HORMAD2: variants seen among roughly 807,000 people sequenced by gnomAD.
HORMAD2 encodes the protein HORMA domain containing 2.
Under a neutral mutation model 38.8 loss-of-function variants are expected in HORMAD2, and 45 were observed. That is an observed-to-expected ratio of 1.16 (90% CI 0.91 to 1.49). HORMAD2 has a LOEUF of 1.49. Ranked by LOEUF, HORMAD2 falls within the 40% of genes most tolerant of loss-of-function variation. HORMAD2 has a pLI of 0.00. For missense variants in HORMAD2, 338 were observed against 367.0 expected (o/e 0.92, Z 0.65); for synonymous variants, 126 against 122.8 (o/e 1.03, Z -0.17).
chr22:30,170,386 T>G (rs898370695), intron 10 of HORMAD2, among the ~76,000 whole-genome samples: 1 of 152,184 alleles, frequency 6.6e-6, no homozygotes. Context: ...CTGCCTTTCC[T>G]GTGTCACAAC....
At chr22:30,198,878 C>T in the HORMAD2 span, among the ~76,000 whole-genome samples, 1 of 152,262 alleles carries the variant, frequency 6.6e-6, no homozygotes, top group East Asian at 1.9e-4. Context: ...GAGAGAAAAC[C>T]AAGCGGCATC....
intron 1 of HORMAD2, among the ~76,000 whole-genome samples, chr22:30,091,778 T>C (rs964848173): frequency 6.6e-6 from 1 of 152,232 alleles, no homozygotes; most frequent in African/African-American, 2.4e-5. Flanking sequence ...TTTTCCATAA[T>C]GCTTGTACTA....
intron 10 of HORMAD2, among the ~76,000 whole-genome samples, chr22:30,171,450 ATGG>A (rs768634387): frequency 1.1e-4 from 16 of 152,104 alleles, no homozygotes; most frequent in Non-Finnish European, 2.1e-4. Flanking sequence ...CTCTCTTACC[ATGG>A]TATCCAATTG....
intron 10 of HORMAD2, chr22:30,136,902 A>G (rs1923701779): frequency 1.1e-5 from 5 of 474,018 alleles, no homozygotes. Context: ...GTCTGGAATC[A>G]ATTTATTGAC....
In HORMAD2 at chr22:30,083,224, G is replaced by A. The variant is rs943590936; in HGVS notation, c.-38+2733G>A. Reference sequence around the variant, plus strand: ...CGAGGTTGCAGTGAGCCAAGATTGCGCCACTGCATTCCTGCCTGGGTAAAC... The same window carrying A: ...CGAGGTTGCAGTGAGCCAAGATTGCACCACTGCATTCCTGCCTGGGTAAAC... On this transcript the variant is annotated intron_variant, in intron 1 of 10. Coordinates refer to ENST00000336726, the MANE Select transcript of HORMAD2 (RefSeq NM_152510.4). Among the ~76,000 whole-genome samples, 9 of 152,282 alleles carry A rather than the reference G, an allele frequency of 5.9e-5. No homozygotes were observed. In the East Asian group the frequency reaches 7.7e-4, roughly 13 times the overall value.
chr22:30,138,535 T>A (rs1923829349), intron 10 of HORMAD2, among the ~76,000 whole-genome samples: 1 of 152,198 alleles, frequency 6.6e-6, no homozygotes, highest in African/African-American at 2.4e-5. Flanking sequence ...CTTTATATAT[T>A]CTGGGTAGAT....
chr22:30,162,037 G>A (rs1241354260), intron 10 of HORMAD2, among the ~76,000 whole-genome samples: 12 of 152,158 alleles, frequency 7.9e-5, no homozygotes, highest in Admixed American at 6.5e-4. Context: ...CACAGGGTGG[G>A]CATGGTGGCT....
intron 10 of HORMAD2, among the ~76,000 whole-genome samples, chr22:30,153,199 T>A (rs1924863367): frequency 6.6e-6 from 1 of 152,148 alleles, no homozygotes; most frequent in Admixed American, 6.5e-5. Context: ...TCCAGCCTGT[T>A]CTTACTGCCA....
chr22:30,084,587 T>C (rs2068538027), intron 1 of HORMAD2, among the ~76,000 whole-genome samples: 1 of 152,226 alleles, frequency 6.6e-6, no homozygotes, highest in Admixed American at 6.5e-5. Context: ...CTATAGTTCT[T>C]CTCTGTTGAC....
the HORMAD2 span, among the ~76,000 whole-genome samples, chr22:30,185,744 A>G: frequency 6.6e-6 from 1 of 152,184 alleles, no homozygotes; most frequent in Non-Finnish European, 1.5e-5. Flanking sequence ...CTATAACTGA[A>G]ATTTATAGGT....
upstream of HORMAD2, among the ~76,000 whole-genome samples, chr22:30,079,061 C>T (rs1180967487): frequency 6.6e-6 from 1 of 152,024 alleles, no homozygotes; most frequent in Non-Finnish European, 1.5e-5. Context: ...ATATTTCAGC[C>T]CAAATTTCAG....
chr22:30,088,361 T>C (rs973214929), intron 1 of HORMAD2, among the ~76,000 whole-genome samples: 9 of 151,418 alleles, frequency 5.9e-5, no homozygotes, highest in African/African-American at 2.2e-4. Flanking sequence ...CCTAAGGAAT[T>C]TACCAAATGC....
downstream of HORMAD2, among the ~76,000 whole-genome samples, chr22:30,178,867 T>G (rs1309346042): frequency 6.6e-6 from 1 of 152,212 alleles, no homozygotes; most frequent in Admixed American, 6.5e-5. Flanking sequence ...AGAAATTTGG[T>G]CTAGCTGGAA....
chr22:30,159,934 A>G (rs894092618), intron 10 of HORMAD2, among the ~76,000 whole-genome samples: 3 of 152,092 alleles, frequency 2.0e-5, no homozygotes, highest in African/African-American at 4.8e-5. Flanking sequence ...CTAAGTTTTC[A>G]TGAGTCAGGG....
chr22:30,108,329 G>C (rs953882737), intron 5 of HORMAD2, among the ~76,000 whole-genome samples: 8 of 152,018 alleles, frequency 5.3e-5, no homozygotes, highest in African/African-American at 1.7e-4. Flanking sequence ...TAAAGTTCAG[G>C]GTCCTTCACA....
intron 10 of HORMAD2, among the ~76,000 whole-genome samples, chr22:30,167,537 A>T (rs1925860266): frequency 6.6e-6 from 1 of 152,182 alleles, no homozygotes; most frequent in Non-Finnish European, 1.5e-5. Context: ...CCATTTACTC[A>T]TTACAAGAAC....
intron 7 of HORMAD2, among the ~76,000 whole-genome samples, chr22:30,114,281 G>A (rs377238615): frequency 6.6e-6 from 1 of 152,118 alleles, no homozygotes; most frequent in African/African-American, 2.4e-5. Flanking sequence ...TAACCTCTAC[G>A]TGTTCATGGT....
intron 10 of HORMAD2, among the ~76,000 whole-genome samples, chr22:30,122,856 A>C (rs1355603410): frequency 6.6e-6 from 1 of 152,110 alleles, no homozygotes; most frequent in Non-Finnish European, 1.5e-5. Context: ...CACACCCTTA[A>C]CTGGTGGTTG....
At chr22:30,153,673 T>C (rs1252525176) in intron 10 of HORMAD2, among the ~76,000 whole-genome samples, 1 of 152,218 alleles carries the variant, frequency 6.6e-6, no homozygotes, top group African/African-American at 2.4e-5. Flanking sequence ...ATCAAGCTTT[T>C]ATCACCACCA....
Sources: allele counts gnomAD v4.1 joint callset (sites outside exome capture counted in the v4.1 genomes callset), GRCh38; gene constraint gnomAD v4.1.1; transcripts MANE v1.5; gene names NCBI Gene and HGNC (gene_info 2026-07-23, HGNC 2026-07-21).